The following BTD variants were observed in gnomAD, a reference collection of about 807,000 sequenced individuals.
BTD encodes biotinidase, also known as biocytinase.
BTD carries 13 observed loss-of-function variants against 17.7 expected under a neutral mutation model. That is an observed-to-expected ratio of 0.74 (90% CI 0.48 to 1.17). The LOEUF (loss-of-function observed/expected upper bound fraction) is 1.17. Ranked by LOEUF, BTD falls within the 50% of genes most tolerant of loss-of-function variation. The probability of loss-of-function intolerance (pLI) is 0.00; values close to 1 mark genes in which losing one functional copy is unlikely to be tolerated. For synonymous variants in BTD, 240 were observed against 245.2 expected (o/e 0.98, Z 0.20); for missense variants, 674 against 650.4 (o/e 1.04, Z -0.39).
intron 1 of BTD, among the ~76,000 whole-genome samples, chr3:15,624,001 T>C (rs2065013009): frequency 6.6e-6 from 1 of 152,208 alleles, no homozygotes; most frequent in African/African-American, 2.4e-5. Context: ...GCTAGGCTGG[T>C]ACTTTTTTCC....
chr3:15,684,732 T>C, intron 3 of BTD: 1 of 99,446 alleles, frequency 1.0e-5, no homozygotes, highest in Non-Finnish European at 2.1e-5. Context: ...AAAAAAATAG[T>C]AAAAGAACAC....
chr3:15,633,461 T>G (rs1399089587), intron 1 of BTD, among the ~76,000 whole-genome samples: 1 of 152,236 alleles, frequency 6.6e-6, no homozygotes, highest in East Asian at 1.9e-4. Context: ...GTAAAATAAA[T>G]TTTATCTTCT....
intron 4 of BTD, chr3:15,721,203 T>A: frequency 6.5e-6 from 8 of 1,234,266 alleles, no homozygotes; most frequent in Non-Finnish European, 8.1e-6. Flanking sequence ...TTTAGCAACC[T>A]GTGGTTGCAA....
At chr3:15,696,204 A>T (rs1477757295) in intron 3 of BTD, 1 of 1,592,474 alleles carries the variant, frequency 6.3e-7, no homozygotes, top group South Asian at 1.1e-5. Flanking sequence ...CTTATCACGG[A>T]TCCCTGGATT....
At chr3:15,659,965 T>C (rs2065906680) in intron 3 of BTD, among the ~76,000 whole-genome samples, 1 of 152,228 alleles carries the variant, frequency 6.6e-6, no homozygotes, top group South Asian at 2.1e-4. Context: ...AGCGTTCAGA[T>C]TCTAGACTGT....
chr3:15,616,883 A>G (rs2064807695), intron 1 of BTD, among the ~76,000 whole-genome samples: 1 of 151,896 alleles, frequency 6.6e-6, no homozygotes. Flanking sequence ...CCCAGGCTGG[A>G]GTGCAGTGGT....
intron 3 of BTD, among the ~76,000 whole-genome samples, chr3:15,679,133 C>T (rs1449326794): frequency 1.3e-5 from 2 of 151,044 alleles, no homozygotes; most frequent in African/African-American, 4.9e-5. Context: ...CATCATCATG[C>T]ACTTTTTTTT....
intron 3 of BTD, among the ~76,000 whole-genome samples, chr3:15,708,511 A>C (rs1025582399): frequency 5.9e-5 from 9 of 152,172 alleles, no homozygotes; most frequent in Non-Finnish European, 1.2e-4. Context: ...AAAAAAATGT[A>C]ATTAACCCTG....
chr3:15,685,562 C>A, intron 3 of BTD: 1 of 882,916 alleles, frequency 1.1e-6, no homozygotes, highest in Non-Finnish European at 1.7e-6. Flanking sequence ...CAATTAAAGC[C>A]ATTTATCATT....
intron 3 of BTD, chr3:15,685,072 C>G (rs908947937): frequency 4.4e-6 from 3 of 687,302 alleles, no homozygotes; most frequent in Non-Finnish European, 7.4e-6. Flanking sequence ...CAGGAGTGAG[C>G]CTACGTACTA....
At chr3:15,719,421 G>A (rs1439043153) in intron 4 of BTD, among the ~76,000 whole-genome samples, 1 of 152,114 alleles carries the variant, frequency 6.6e-6, no homozygotes, top group African/African-American at 2.4e-5. Flanking sequence ...GTGCTCAAAG[G>A]ATGAATTGAT....
At chr3:15,656,846 A>G (rs896142246), downstream of BTD, among the ~76,000 whole-genome samples, 2 of 152,204 alleles carry the variant, frequency 1.3e-5, no homozygotes, top group Non-Finnish European at 2.9e-5. Context: ...AAGTTTCACT[A>G]AGTTCCACTT....
chr3:15,619,893 T>G (rs971537243), intron 1 of BTD, among the ~76,000 whole-genome samples: 1 of 152,134 alleles, frequency 6.6e-6, no homozygotes, highest in Non-Finnish European at 1.5e-5. Flanking sequence ...GACCAGCAAG[T>G]TTTTATTAAG....
intron 3 of BTD, among the ~76,000 whole-genome samples, chr3:15,687,211 G>A (rs1221914187): frequency 1.3e-5 from 2 of 152,000 alleles, no homozygotes; most frequent in Non-Finnish European, 2.9e-5. Flanking sequence ...CCAAAGTGCT[G>A]GGATTACAGG....
At chr3:15,707,889 T>C (rs761076493) in intron 3 of BTD, 2 of 1,582,592 alleles carry the variant, frequency 1.3e-6, no homozygotes, top group Non-Finnish European at 8.6e-7. Flanking sequence ...TTTATAGAAA[T>C]ATTGATCCTC....
intron 3 of BTD, among the ~76,000 whole-genome samples, chr3:15,671,833 C>A (rs2066397160): frequency 6.6e-6 from 1 of 152,088 alleles, no homozygotes; most frequent in Admixed American, 6.6e-5. Context: ...GATCTGCCTG[C>A]CTCGGCCTCC....
chr3:15,688,479 G>A lies in BTD; in HGVS notation c.400-21581G>A, dbSNP rs576625712. ...TCAGAATAAGGTAACAGCAAGTAATGCATTTTAACCTCTTGTTCAAACCAT... is the reference window on the plus strand; with the variant it reads ...TCAGAATAAGGTAACAGCAAGTAATACATTTTAACCTCTTGTTCAAACCAT... On this transcript the variant is annotated intron_variant, in intron 3 of 3. Coordinates refer to the BTD transcript ENST00000672141. 3.9e-5 allele frequency among the ~76,000 whole-genome samples: 6 copies of A among 152,280 alleles called. 1 individual carries two copies. In the Middle Eastern group the frequency reaches 0.014, roughly 345 times the overall value.
At chr3:15,659,481 G>A (rs2065901057) in intron 3 of BTD, among the ~76,000 whole-genome samples, 1 of 152,190 alleles carries the variant, frequency 6.6e-6, no homozygotes, top group Non-Finnish European at 1.5e-5. Context: ...GACTTGCATT[G>A]TGGTTTGACA....
intron 3 of BTD, among the ~76,000 whole-genome samples, chr3:15,665,709 C>G (rs1432852713): frequency 6.6e-6 from 1 of 152,200 alleles, no homozygotes; most frequent in East Asian, 1.9e-4. Flanking sequence ...AGGGCGTGGC[C>G]ACGATTTGTT....
Sources: allele counts gnomAD v4.1 joint callset (sites outside exome capture counted in the v4.1 genomes callset), GRCh38; gene constraint gnomAD v4.1.1; transcripts MANE v1.5; gene names NCBI Gene and HGNC (gene_info 2026-07-23, HGNC 2026-07-21).